The following NR1D1 variants were observed in gnomAD, a reference collection of about 807,000 sequenced individuals.
The protein encoded by NR1D1 is nuclear receptor subfamily 1 group D member 1, also known as Rev-ErbAalpha.
In NR1D1, 17 loss-of-function variants were observed where a neutral mutation model predicts 51.1. That is an observed-to-expected ratio of 0.33 (90% CI 0.23 to 0.50). NR1D1 has a LOEUF of 0.50. Ranked by LOEUF, NR1D1 falls within the 20% of genes least tolerant of loss-of-function variation. NR1D1 has a pLI of 0.98. For synonymous variants in NR1D1, 341 were observed against 333.4 expected, an observed-to-expected ratio of 1.02 and a Z score of -0.25; for missense variants, 647 against 830.4, an observed-to-expected ratio of 0.78 and a Z score of 2.71.
chr17:40,096,331 C>T (rs1448561711), intron 4 of NR1D1, 112 bp downstream of exon 4: 1 of 1,496,136 alleles, frequency 6.7e-7, no homozygotes, highest in Non-Finnish European at 9.2e-7. Flanking sequence ...CATCCCCTGG[C>T]ACATGTGATT....
intron 5 of NR1D1, 101 bp from the exon 6 acceptor site, chr17:40,095,221 T>C: frequency 2.3e-6 from 3 of 1,286,270 alleles, no homozygotes; most frequent in Non-Finnish European, 3.2e-6. Context: ...GGCTAGGGGC[T>C]GTGGCCCTGA....
chr17:40,097,877 A>C (rs1987796155), intron 1 of NR1D1, among the ~76,000 whole-genome samples: 1 of 152,240 alleles, frequency 6.6e-6, no homozygotes. Flanking sequence ...AACAGTAAAG[A>C]GAATGGAGGG....
Position 40,093,293 on chromosome 17 carries a change from G to A in NR1D1, c.1646-11C>T. The stretch of plus-strand genomic sequence containing the variant: ...CCATGCCCGAGCGGTCTGTGGGGAA[G>A]ACGACAGCAGTGAGGCGGACTCCCC... On this transcript the variant is annotated splice_polypyrimidine_tract_variant and intron_variant, in intron 7 of 7. Transcript: ENST00000246672. This position sits in a 1 kb window ranked among gnomAD's most constrained non-coding sequence, Gnocchi z 5.9. The A allele has an allele frequency of 6.2e-7, 1 of 1,613,610 alleles. No individual in the cohort carries two copies. Among genetic ancestry groups the A allele is most frequent in the Non-Finnish European group, 8.5e-7 (1 of 1,180,034 alleles).
rs773786027 is a variant in NR1D1 at position 40,100,095 on chromosome 17, GTCTTC to G, written c.-6_-2del. Reference sequence around the variant, plus strand: ...TGTTGTTGGAGTCCAGGGTCGTCATGTCTTCACCAGCTGAGAGCGGTCATTCAAAC... The same window carrying G: ...TGTTGTTGGAGTCCAGGGTCGTCATGACCAGCTGAGAGCGGTCATTCAAAC... On this transcript the variant is annotated 5_prime_UTR_variant, in exon 1 of 8. An upstream open reading frame in the 5' UTR loses its in-frame stop. Coordinates refer to ENST00000246672, the MANE Select transcript of NR1D1 (RefSeq NM_021724.5). 47 of 1,610,104 alleles carry G rather than the reference GTCTTC, an allele frequency of 2.9e-5. No homozygotes were observed. Among genetic ancestry groups the G allele is most frequent in the Non-Finnish European group, 1.7e-6 (2 of 1,176,382 alleles).
chr17:40,097,420 A>C lies in NR1D1; in HGVS notation c.32-17T>G. 2 of 1,582,346 alleles carry C rather than the reference A, an allele frequency of 1.3e-6. No individual in the cohort carries two copies. The highest frequency in any genetic ancestry group is 1.7e-6 in the Non-Finnish European group (2 of 1,164,172). On this transcript the variant is annotated splice_polypyrimidine_tract_variant and intron_variant, in intron 1 of 7. Coordinates refer to ENST00000246672, the MANE Select transcript of NR1D1 (RefSeq NM_021724.5). ...TGACGCCACCTGGAGAGAGAACAAA[A>C]GGAAAGGGGGTGTCAGCCGCCATGT...
Position 40,092,836 on chromosome 17 carries a change from A to G in NR1D1, c.*247T>C. On this transcript the variant is annotated 3_prime_UTR_variant, in exon 8 of 8. Transcript: ENST00000246672. ...ATTTGAGACAGGAACAGAACAAATCAGAGGGCCAGGGGAGGGTTGTGGGGG... is the reference window on the plus strand; with the variant it reads ...ATTTGAGACAGGAACAGAACAAATCGGAGGGCCAGGGGAGGGTTGTGGGGG... The G allele has an allele frequency of 1.2e-6, 1 of 844,622 alleles. No individual in the cohort carries two copies. Among genetic ancestry groups the G allele is most frequent in the East Asian group, 2.7e-5 (1 of 36,692 alleles). 52.3% of individuals were successfully genotyped at this position (844,622 alleles called of 1,614,324 possible).
chr17:40,096,770 C>A lies in NR1D1; in HGVS notation c.380G>T (p.Gly127Val), dbSNP rs757251559. The stretch of plus-strand genomic sequence containing the variant: ...ACACACTTTACACAGTAACACCATG[C>A]CATTCAGCTCTGTGGAAGAGACGGG... Reference protein sequence around the residue: ...KSTSNITKLNGMVLLCKVCGD... With the variant: ...KSTSNITKLNVMVLLCKVCGD... Residue 127 changes from glycine (G) to valine (V), a missense_variant, in exon 3 of 8, where the codon GGC becomes GTC. Gly to Val is a moderately radical substitution (Grantham distance 109). This residue lies in a region of NR1D1 where 98 missense variants were observed against 94.7 expected (regional missense o/e 1.03). Transcript: ENST00000246672. 2.5e-6 allele frequency: 4 copies of A among 1,614,194 alleles called. No homozygotes were observed. The highest frequency in any genetic ancestry group is 3.3e-5 in the Admixed American group (2 of 60,032).
chr17:40,096,151 C>G (rs1987758557), intron 4 of NR1D1, 64 bp from the exon 5 acceptor site: 1 of 1,568,064 alleles, frequency 6.4e-7, no homozygotes, highest in Admixed American at 1.8e-5. Flanking sequence ...CTCTTCCTTC[C>G]TTCCTCCTGA....
chr17:40,098,939 C>T (rs144653198), intron 1 of NR1D1, among the ~76,000 whole-genome samples: 1 of 151,818 alleles, frequency 6.6e-6, no homozygotes, highest in African/African-American at 2.4e-5. Context: ...GGGGTGAGGT[C>T]TCTTTAGGGA....
At chr17:40,099,664 G>A (rs181749890) in intron 1 of NR1D1, among the ~76,000 whole-genome samples, 57 of 152,220 alleles carry the variant, frequency 3.7e-4, no homozygotes, top group Middle Eastern at 3.4e-3. Context: ...CTAGAGGAGG[G>A]GGAAGACAAG....
rs200461239 is a variant in NR1D1, at chr17:40,093,009, G to A, written c.*74C>T. ...AGATTCTGGTTTGCTTTTCCTTTTC[G>A]TCTCGTAAAGGAGAGAGAAGTGCAG... On this transcript the variant is annotated 3_prime_UTR_variant, in exon 8 of 8. Transcript: ENST00000246672. This position sits in a 1 kb window ranked among gnomAD's most constrained non-coding sequence, Gnocchi z 5.9. 66 of 1,600,274 alleles carry A rather than the reference G, an allele frequency of 4.1e-5. No individual in the cohort carries two copies. In the South Asian group the frequency reaches 5.7e-4, roughly 14 times the overall value.
chr17:40,093,226 G>C lies in NR1D1; in HGVS notation c.1702C>G (p.Arg568Gly). Residue 568 changes from arginine to glycine, a missense_variant, in exon 8 of 8, where the codon CGG becomes GGG. Transcript: ENST00000246672. This position sits in a 1 kb window ranked among gnomAD's most constrained non-coding sequence, Gnocchi z 5.9. The part of the protein sequence containing the change: ...SVEQLQETLL[R>G]ALRALVLKNR... ...TTCAGCACCAGAGCCCGAAGAGCCC[G>C]CAGCAGCGTCTCCTGGAGCTGCTCC... The C allele has an allele frequency of 6.2e-7, 1 of 1,613,704 alleles. No individual in the cohort carries two copies. Among genetic ancestry groups the C allele is most frequent in the Non-Finnish European group, 8.5e-7 (1 of 1,180,040 alleles).
In NR1D1 at chr17:40,097,157, G is replaced by A. The variant is rs1386200760; in HGVS notation, c.278C>T (p.Ser93Phe). 4 of 1,610,750 alleles carry A rather than the reference G, an allele frequency of 2.5e-6. No individual in the cohort carries two copies. The highest frequency in any genetic ancestry group is 1.3e-5 in the African/African-American group (1 of 74,854). Residue 93 changes from serine to phenylalanine, a missense_variant, in exon 2 of 8, where the codon TCC (serine) becomes TTC (phenylalanine). Ser to Phe is a radical substitution (Grantham distance 155, BLOSUM62 -2). Around this residue, in one of 7 missense-constraint regions of NR1D1, gnomAD observed 98 missense variants for 94.7 expected, o/e 1.03. Coordinates refer to ENST00000246672, the MANE Select transcript of NR1D1 (RefSeq NM_021724.5). ...CCCAGGGGGGCTCCCATTATAGAAG[G>A]AGGAGGAGGATGACGACGAGGAAGA... ...SSSSSSSSSS[S>F]FYNGSPPGSL...
intron 2 of NR1D1, 86 bp downstream of exon 2, chr17:40,096,978 TG>T: frequency 7.4e-7 from 1 of 1,358,692 alleles, no homozygotes; most frequent in Non-Finnish European, 1.0e-6. Flanking sequence ...GAATAGGTCC[TG>T]GCAAGACTGG....
rs1442222802 is a variant in NR1D1 at position 40,095,543 on chromosome 17, G to C, written c.1149C>G (p.Ser383Arg). ...GGGTGGGGCATAGACGGTGCCCGTT[G>C]CTGTTGGACTGGTGGCAGCTGTGGT... ...PAHHSCHQSN[S>R]NGHRLCPTHV... The change falls in exon 5 of 8, where the codon AGC (serine) becomes AGG (arginine). Residue 383 changes from serine to arginine, a missense_variant. Coordinates refer to ENST00000246672, the MANE Select transcript of NR1D1 (RefSeq NM_021724.5). 6.2e-7 allele frequency: 1 copy of C among 1,605,316 alleles called. No individual in the cohort carries two copies. The highest frequency in any genetic ancestry group is 1.7e-5 in the Admixed American group (1 of 59,110).
At chr17:40,095,222 G>T in intron 5 of NR1D1, 102 bp from the exon 6 acceptor site, 1 of 1,284,546 alleles carries the variant, frequency 7.8e-7, no homozygotes, top group Non-Finnish European at 1.1e-6. Context: ...GCTAGGGGCT[G>T]TGGCCCTGAA....
intron 6 of NR1D1, 122 bp downstream of exon 6, chr17:40,094,813 G>A: frequency 1.1e-6 from 1 of 873,628 alleles, no homozygotes; most frequent in Non-Finnish European, 1.7e-6. Flanking sequence ...TAGGAGAATT[G>A]CTTGAACCCA....
chr17:40,096,858 G>C, intron 2 of NR1D1, 79 bp from the exon 3 acceptor site: 1 of 1,443,534 alleles, frequency 6.9e-7, no homozygotes, highest in Non-Finnish European at 9.7e-7. Flanking sequence ...CTGGGCCGGA[G>C]ATCCAGGGAG....
rs151152990 is a variant in NR1D1 at position 40,096,697 on chromosome 17, G to C, written c.453C>G (p.Gly151=). The C allele has an allele frequency of 1.9e-6, 3 of 1,614,062 alleles. No homozygotes were observed. The highest frequency in any genetic ancestry group is 2.5e-6 in the Non-Finnish European group (3 of 1,180,036). The change falls in exon 3 of 8, where the codon GGC becomes GGG. Residue 151 remains glycine (G), a synonymous_variant. Transcript: ENST00000246672. The stretch of plus-strand genomic sequence containing the variant: ...TACCCCCAGTCCGCCTCACCTTGCA[G>C]CCCTCGCAGGCGTGCACACCGTAGT... The part of the protein sequence containing the change: ...GFHYGVHACE[G]CKGFFRRSIQ...
Sources: gnomAD v4.1 joint callset for allele counts (sites outside exome capture counted in the v4.1 genomes callset) on GRCh38, gnomAD v4.1.1 for gene constraint, gnomAD v4.1.1 regional missense constraint, Gnocchi (gnomAD v3.1) non-coding constraint, MANE v1.5 for transcripts, NCBI Gene and HGNC (gene_info 2026-07-23, HGNC 2026-07-21) for gene names.